Variants in NKAIN3 observed in about 807,000 individuals in gnomAD.
NKAIN3 encodes sodium/potassium-transporting ATPase subunit beta-1-interacting protein 3.
Under a neutral mutation model 30.2 loss-of-function variants are expected in NKAIN3, and 25 were observed. That is an observed-to-expected ratio of 0.83 (90% CI 0.60 to 1.16). The LOEUF (loss-of-function observed/expected upper bound fraction) is 1.16. Ranked by LOEUF, NKAIN3 falls within the 50% of genes most tolerant of loss-of-function variation. The probability of loss-of-function intolerance (pLI) is 0.00; values close to 1 mark genes in which losing one functional copy is unlikely to be tolerated. For synonymous variants in NKAIN3, 91 were observed against 89.6 expected (o/e 1.02, Z -0.09); for missense variants, 225 against 254.1 (o/e 0.89, Z 0.78).
At chr8:62,368,850 G>T (rs1816820442) in intron 1 of NKAIN3, among the ~76,000 whole-genome samples, 5 of 149,984 alleles carry the variant, frequency 3.3e-5, no homozygotes, top group African/African-American at 1.2e-4. Flanking sequence ...CCCTGAATAT[G>T]CACGTGGCTT....
chr8:62,490,246 C>CA (rs35088202), intron 1 of NKAIN3, among the ~76,000 whole-genome samples: 11,143 of 152,160 alleles, frequency 0.073, 506 homozygotes, highest in African/African-American at 0.13. Context: ...GAGGGCTGTA[C>CA]AGTTTGGCTG....
intron 6 of NKAIN3, among the ~76,000 whole-genome samples, chr8:62,959,148 G>A (rs1303073787): frequency 6.6e-6 from 1 of 152,144 alleles, no homozygotes; most frequent in Non-Finnish European, 1.5e-5. Flanking sequence ...GGCTGCTATT[G>A]CAACTAGGTA....
intron 1 of NKAIN3, among the ~76,000 whole-genome samples, chr8:62,506,666 G>T (rs1350876345): frequency 1.3e-5 from 2 of 151,448 alleles, no homozygotes; most frequent in African/African-American, 4.9e-5. Flanking sequence ...GTAGAGACAG[G>T]GTTTCACCAT....
chr8:62,479,107 G>A (rs552501238), intron 1 of NKAIN3, among the ~76,000 whole-genome samples: 29 of 152,226 alleles, frequency 1.9e-4, no homozygotes, highest in African/African-American at 6.7e-4. Flanking sequence ...AAAATGCAGG[G>A]TTGCACTCGA....
intron 3 of NKAIN3, among the ~76,000 whole-genome samples, chr8:62,610,850 G>C (rs1311607736): frequency 6.6e-6 from 1 of 152,094 alleles, no homozygotes; most frequent in African/African-American, 2.4e-5. Context: ...GAAGGGGTTG[G>C]TTGAAATGAG....
chr8:62,578,677 A>G (rs1244148014), intron 1 of NKAIN3, among the ~76,000 whole-genome samples: 1 of 151,944 alleles, frequency 6.6e-6, no homozygotes, highest in East Asian at 1.9e-4. Flanking sequence ...TTTTTCCAAA[A>G]TGGTACTAGT....
At chr8:62,717,220 A>T (rs1408283012) in intron 3 of NKAIN3, among the ~76,000 whole-genome samples, 1 of 152,206 alleles carries the variant, frequency 6.6e-6, no homozygotes, top group Non-Finnish European at 1.5e-5. Flanking sequence ...CTGAGTAGTC[A>T]CAGTTATTTA....
At chr8:62,808,615 GC>G (rs1292420769) in intron 4 of NKAIN3, among the ~76,000 whole-genome samples, 1 of 152,038 alleles carries the variant, frequency 6.6e-6, no homozygotes, top group African/African-American at 2.4e-5. Context: ...GTTCCATGAT[GC>G]CCCCCAAGCC....
intron 1 of NKAIN3, among the ~76,000 whole-genome samples, chr8:62,326,038 TTTA>T (rs1815112007): frequency 6.6e-6 from 1 of 151,986 alleles, no homozygotes; most frequent in Admixed American, 6.6e-5. Flanking sequence ...ATTTATTAGT[TTTA>T]TTAATTTTGT....
At chr8:62,629,657 T>C (rs952417629) in intron 3 of NKAIN3, among the ~76,000 whole-genome samples, 4 of 152,252 alleles carry the variant, frequency 2.6e-5, no homozygotes, top group Non-Finnish European at 5.9e-5. Context: ...TTTCTGTTGA[T>C]TCTGAGGGAA....
chr8:62,437,210 G>T (rs1805197797), intron 1 of NKAIN3, among the ~76,000 whole-genome samples: 1 of 151,990 alleles, frequency 6.6e-6, no homozygotes, highest in Non-Finnish European at 1.5e-5. Context: ...GACCATTAGT[G>T]ATCTATAATA....
In NKAIN3 at chr8:62,370,552, T is replaced by G. The variant is rs865884608; in HGVS notation, c.54+121425T>G. On this transcript the variant is annotated intron_variant, in intron 1 of 6. Transcript: ENST00000623646. Reference sequence around the variant, plus strand: ...TCATATATGTATTCCTCTAGTAATTTGTACTGAAGTACCTTGACCATATTT... The same window carrying G: ...TCATATATGTATTCCTCTAGTAATTGGTACTGAAGTACCTTGACCATATTT... 1.7e-4 allele frequency among the ~76,000 whole-genome samples: 26 copies of G among 151,972 alleles called. 1 individual carries two copies. Among genetic ancestry groups the G allele is most frequent in the Middle Eastern group, 6.3e-3 (2 of 316 alleles).
intron 1 of NKAIN3, among the ~76,000 whole-genome samples, chr8:62,400,847 T>C (rs531393453): frequency 2.0e-5 from 3 of 152,306 alleles, no homozygotes; most frequent in African/African-American, 7.2e-5. Context: ...TAGAATCCTT[T>C]CTTTATCCTT....
intron 1 of NKAIN3, among the ~76,000 whole-genome samples, chr8:62,270,198 G>A (rs1051559110): frequency 7.2e-5 from 11 of 152,074 alleles, no homozygotes; most frequent in Non-Finnish European, 4.4e-5. Context: ...TCCCACCTCA[G>A]TCTCCTGAGT....
Position 62,579,582 on chromosome 8 carries a change from A to G in NKAIN3, c.98A>G (p.Gln33Arg), listed in dbSNP as rs1176252423. Residue 33 changes from glutamine to arginine, a missense_variant, in exon 2 of 7, where the codon CAG becomes CGG. By Grantham distance (43) the Gln-to-Arg change is conservative. Coordinates refer to ENST00000623646, the MANE Select transcript of NKAIN3 (RefSeq NM_001304533.3). The part of the protein sequence containing the change: ...ERQIFDFLGF[Q>R]WAPILGNFLH... ...CAGATCTTTGACTTCCTTGGTTTCC[A>G]GTGGGCGCCTATTCTTGGAAATTTT... The G allele has an allele frequency of 6.2e-7, 1 of 1,611,098 alleles. No individual in the cohort carries two copies.
chr8:62,675,742 C>G (rs1813454971), intron 3 of NKAIN3, among the ~76,000 whole-genome samples: 1 of 152,170 alleles, frequency 6.6e-6, no homozygotes, highest in South Asian at 2.1e-4. Flanking sequence ...TGACACTCAC[C>G]TCATAGGAAG....
intron 3 of NKAIN3, among the ~76,000 whole-genome samples, chr8:62,613,096 A>G (rs1811343919): frequency 1.3e-5 from 2 of 152,064 alleles, no homozygotes; most frequent in Non-Finnish European, 2.9e-5. Context: ...TTTTCTGTGT[A>G]CTTATTATTA....
intron 1 of NKAIN3, among the ~76,000 whole-genome samples, chr8:62,261,015 G>A (rs1404843987): frequency 1.3e-4 from 20 of 152,008 alleles, no homozygotes; most frequent in Non-Finnish European, 2.5e-4. Flanking sequence ...TTTATGAAGT[G>A]TTTATATCAT....
intron 4 of NKAIN3, among the ~76,000 whole-genome samples, chr8:62,840,656 A>C (rs1819503538): frequency 6.6e-6 from 1 of 152,136 alleles, no homozygotes; most frequent in South Asian, 2.1e-4. Flanking sequence ...AAGCAAAGCA[A>C]ATATTACCAG....
Sources: gnomAD v4.1 joint callset for allele counts (sites outside exome capture counted in the v4.1 genomes callset) on GRCh38, gnomAD v4.1.1 for gene constraint, MANE v1.5 for transcripts, NCBI Gene and HGNC (gene_info 2026-07-23, HGNC 2026-07-21) for gene names.